ZNF229: variants seen among roughly 807,000 people sequenced by gnomAD.
ZNF229 encodes the protein zinc finger protein 229.
A neutral mutation model predicts 11.8 loss-of-function variants in ZNF229; 10 were observed. The ratio of observed to expected loss-of-function variants is 0.85; its 90% CI spans 0.52 to 1.44. The LOEUF is 1.44. ZNF229 is among the 40% of genes most tolerant of loss of function. The pLI is 0.00. For missense variants in ZNF229, 1,045 were observed against 1,015.1 expected, an observed-to-expected ratio of 1.03 and a Z score of -0.40; for synonymous variants, 368 against 374.8, an observed-to-expected ratio of 0.98 and a Z score of 0.21.
intron 4 of ZNF229, among the ~76,000 whole-genome samples, chr19:44,438,584 T>C (rs1427753525): frequency 6.6e-6 from 1 of 152,218 alleles, no homozygotes; most frequent in Non-Finnish European, 1.5e-5. Context: ...GGTTGACTAG[T>C]AGCTGGCAGC....
intron 3 of ZNF229, 62 bp downstream of exon 3, chr19:44,442,752 C>T: frequency 1.2e-6 from 2 of 1,610,096 alleles, no homozygotes; most frequent in Admixed American, 1.7e-5. Context: ...CAACATCCAA[C>T]TTTTTCTCCT....
chr19:44,429,685 T>G lies in ZNF229; in HGVS notation c.1096A>C (p.Ile366Leu), dbSNP rs767712049. 13 of 1,614,094 alleles carry G rather than the reference T, an allele frequency of 8.1e-6. No homozygotes were observed. The highest frequency in any genetic ancestry group is 1.1e-5 in the Non-Finnish European group (13 of 1,180,010). Reference sequence around the variant, plus strand: ...CTTCCTGTGTGCACCCCTTGATGAATAAGAAGAACCGATTTATACCTGAAC... The same window carrying G: ...CTTCCTGTGTGCACCCCTTGATGAAGAAGAAGAACCGATTTATACCTGAAC... ...KGFRYKSVLL[I>L]HQGVHTGRRP... Residue 366 changes from isoleucine to leucine, a missense_variant, in exon 6 of 6, where the codon ATT (isoleucine) becomes CTT (leucine). Coordinates refer to ENST00000614049, the MANE Select transcript of ZNF229 (RefSeq NM_014518.4).
chr19:44,432,436 A>T (rs1169043469), intron 4 of ZNF229, 70 bp from the exon 5 acceptor site: 1 of 1,573,000 alleles, frequency 6.4e-7, no homozygotes, highest in Non-Finnish European at 8.6e-7. Flanking sequence ...GAGCAGGTTT[A>T]TAGAAATAAA....
intron 4 of ZNF229, among the ~76,000 whole-genome samples, chr19:44,441,152 G>A (rs1048102724): frequency 1.3e-5 from 2 of 152,142 alleles, no homozygotes; most frequent in African/African-American, 4.8e-5. Flanking sequence ...AAGTAAGAAA[G>A]TTGTGGTAAA....
Position 44,430,305 on chromosome 19 carries a change from C to G in ZNF229, c.476G>C (p.Ser159Thr). Residue 159 changes from serine to threonine, a missense_variant, in exon 6 of 6, where the codon AGT (serine) becomes ACT (threonine). By Grantham distance (58) the Ser-to-Thr change is moderately conservative. Coordinates refer to ENST00000614049, the MANE Select transcript of ZNF229 (RefSeq NM_014518.4). ...ACCGATAAGCCCATCCCCTTGTAGA[C>G]TGTCCAGGAAATTCTCAATTGGAAA... ...PCFPIENFLD[S>T]LQGDGLIGLE... 6.2e-7 allele frequency: 1 copy of G among 1,614,152 alleles called. No homozygotes were observed. The highest frequency in any genetic ancestry group is 8.5e-7 in the Non-Finnish European group (1 of 1,180,046).
At chr19:44,434,003 G>A (rs755791309) in intron 4 of ZNF229, among the ~76,000 whole-genome samples, 1 of 152,246 alleles carries the variant, frequency 6.6e-6, no homozygotes, top group Non-Finnish European at 1.5e-5. Flanking sequence ...TCCTGAACTC[G>A]TGATCTGCCT....
rs117237889 is a variant in ZNF229, at chr19:44,428,086, G to A, written c.*217C>T. 385 of 524,424 alleles carry A rather than the reference G, an allele frequency of 7.3e-4. 2 individuals carry two copies. The East Asian group carries it at 0.011, about 14-fold the overall frequency. 32.5% of individuals were successfully genotyped at this position (524,424 alleles called of 1,614,324 possible). ...GCACTGTTTCTTTAAAGCCTACTCC[G>A]CTGCACAACAGACTCTTAAAGACTG... On this transcript the variant is annotated 3_prime_UTR_variant, in exon 6 of 6. Transcript: ENST00000614049.
chr19:44,432,049 G>C (rs2123349147), intron 5 of ZNF229, 173 bp downstream of exon 5: 1 of 1,289,084 alleles, frequency 7.8e-7, no homozygotes, highest in East Asian at 2.9e-5. Flanking sequence ...CCTGATCTCA[G>C]ACTGTGCCTT....
In ZNF229 at chr19:44,430,417, A is replaced by G. The variant is rs180823319; in HGVS notation, c.364T>C (p.Cys122Arg). The change falls in exon 6 of 6, where the codon TGT becomes CGT. Residue 122 changes from cysteine (C) to arginine (R), a missense_variant. Cys to Arg is a radical substitution (Grantham distance 180). Coordinates refer to ENST00000614049, the MANE Select transcript of ZNF229 (RefSeq NM_014518.4). ...TCTTTTCCTTGCAGATTTACTCTAC[A>G]GTCTTGGCTCCCAGGTAATTCACCT... ...VAGELPGSQD[C>R]RVNLQGKDFQ... 33 of 1,614,158 alleles carry G rather than the reference A, an allele frequency of 2.0e-5. No individual in the cohort carries two copies. The African/African-American group carries it at 4.3e-4, about 21-fold the overall frequency.
In ZNF229 at chr19:44,430,133, G is replaced by A; in HGVS notation, c.648C>T (p.Asn216=). 6.2e-7 allele frequency: 1 copy of A among 1,614,082 alleles called. No homozygotes were observed. The highest frequency in any genetic ancestry group is 8.5e-7 in the Non-Finnish European group (1 of 1,180,026). ...TCCAGCAAAAGCTGTCATCATCCCAGTTACATTTATATACTGTGTCTTCTG... is the reference window on the plus strand; with the variant it reads ...TCCAGCAAAAGCTGTCATCATCCCAATTACATTTATATACTGTGTCTTCTG... ...LDTEDTVYKC[N]WDDDSFCWIS... Residue 216 remains asparagine (N), a synonymous_variant, in exon 6 of 6, where the codon AAC becomes AAT. Coordinates refer to ENST00000614049, the MANE Select transcript of ZNF229 (RefSeq NM_014518.4).
intron 2 of ZNF229, among the ~76,000 whole-genome samples, 151 bp downstream of exon 2, chr19:44,447,362 A>C (rs1003698433): frequency 2.6e-5 from 4 of 152,180 alleles, no homozygotes; most frequent in African/African-American, 9.6e-5. Context: ...CTAAATAAAG[A>C]CACTGGGAAA....
intron 2 of ZNF229, among the ~76,000 whole-genome samples, chr19:44,446,351 C>A (rs1216130941): frequency 1.3e-5 from 2 of 152,132 alleles, no homozygotes; most frequent in Non-Finnish European, 2.9e-5. Context: ...GCTCTAGTTT[C>A]TCAAAACTGG....
rs1971622370 is a variant in ZNF229, at chr19:44,428,438, G to T, written c.2343C>A (p.Ser781=). Residue 781 remains serine, a synonymous_variant, in exon 6 of 6, where the codon TCC becomes TCA. Transcript: ENST00000614049. Reference sequence around the variant, plus strand: ...GGACTCTCTGATGAACATGAAGACAGGAGTTGCGGCCAAAGCCCTTCCCAC... The same window carrying T: ...GGACTCTCTGATGAACATGAAGACATGAGTTGCGGCCAAAGCCCTTCCCAC... ...EECGKGFGRN[S]CLHVHQRVHT... 6.2e-7 allele frequency: 1 copy of T among 1,613,390 alleles called. No individual in the cohort carries two copies. Among genetic ancestry groups the T allele is most frequent in the Non-Finnish European group, 8.5e-7 (1 of 1,179,870 alleles).
chr19:44,439,297 A>C (rs204552), intron 4 of ZNF229, among the ~76,000 whole-genome samples: 7,154 of 152,278 alleles, frequency 0.047, 426 homozygotes, highest in African/African-American at 0.13. Flanking sequence ...AGCAATATTC[A>C]GACATTTACA....
chr19:44,445,693 C>A (rs1396050098), intron 2 of ZNF229, among the ~76,000 whole-genome samples: 1 of 152,176 alleles, frequency 6.6e-6, no homozygotes. Flanking sequence ...GAAACTGACA[C>A]CCTACCTACA....
Position 44,429,900 on chromosome 19 carries a change from T to C in ZNF229, c.881A>G (p.Gln294Arg), listed in dbSNP as rs373477646. Residue 294 changes from glutamine (Q) to arginine (R), a missense_variant, in exon 6 of 6, where the codon CAA becomes CGA. Coordinates refer to ENST00000614049, the MANE Select transcript of ZNF229 (RefSeq NM_014518.4). ...CAAGCCCTCACTAAACTCATCATATTGACAGAGTTTCTCTTTCAAAGGTAC... is the reference window on the plus strand; with the variant it reads ...CAAGCCCTCACTAAACTCATCATATCGACAGAGTTTCTCTTTCAAAGGTAC... The part of the protein sequence containing the change: ...PRVPLKEKLC[Q>R]YDEFSEGLRH... The C allele has an allele frequency of 6.2e-7, 1 of 1,614,104 alleles. No homozygotes were observed. Among genetic ancestry groups the C allele is most frequent in the Non-Finnish European group, 8.5e-7 (1 of 1,180,006 alleles).
chr19:44,445,248 C>A (rs1347495380), intron 2 of ZNF229, among the ~76,000 whole-genome samples: 1 of 152,116 alleles, frequency 6.6e-6, no homozygotes, highest in Non-Finnish European at 1.5e-5. Context: ...CGTGACAGCC[C>A]CCTAAATGGC....
Position 44,432,216 on chromosome 19 carries a change from A to G in ZNF229, c.238+6T>C, listed in dbSNP as rs754530232. 6.2e-7 allele frequency: 1 copy of G among 1,606,374 alleles called. No individual in the cohort carries two copies. The highest frequency in any genetic ancestry group is 1.3e-5 in the African/African-American group (1 of 74,284). The stretch of plus-strand genomic sequence containing the variant: ...AGAACACTCCAAGAAGTTCAGTTCC[A>G]ATTACCCAGAGGATTCCTCTCACCC... On this transcript the variant is annotated splice_donor_region_variant and intron_variant, in intron 5 of 5. Transcript: ENST00000614049.
intron 4 of ZNF229, among the ~76,000 whole-genome samples, chr19:44,441,408 A>G (rs1971906495): frequency 6.6e-6 from 1 of 152,226 alleles, no homozygotes; most frequent in South Asian, 2.1e-4. Context: ...CTCTTTTCAT[A>G]AAAAGAAAGG....
Sources: allele counts gnomAD v4.1 joint callset (sites outside exome capture counted in the v4.1 genomes callset), GRCh38; gene constraint gnomAD v4.1.1; transcripts MANE v1.5; gene names NCBI Gene and HGNC (gene_info 2026-07-23, HGNC 2026-07-21).